Variants in PRKAR1A observed in about 807,000 individuals in gnomAD.
PRKAR1A encodes protein kinase cAMP-dependent type I regulatory subunit alpha.
In PRKAR1A, 3 loss-of-function variants were observed where a neutral mutation model predicts 52.0. The observed-to-expected ratio is 0.06, with a 90% confidence interval of 0.03 to 0.15. The LOEUF (loss-of-function observed/expected upper bound fraction) is 0.15. PRKAR1A is among the 10% of genes least tolerant of loss of function. PRKAR1A has a pLI of 1.00. For synonymous variants in PRKAR1A, 188 were observed against 168.4 expected (o/e 1.12, Z -0.90); for missense variants, 240 against 477.4 (o/e 0.50, Z 4.63).
At chr17:68,526,491 G>A (rs1349919041) in intron 7 of PRKAR1A, among the ~76,000 whole-genome samples, 1 of 152,132 alleles carries the variant, frequency 6.6e-6, no homozygotes, top group Non-Finnish European at 1.5e-5. Flanking sequence ...CATTTTTAAT[G>A]GTTTTCTTAA....
At chr17:68,542,036 A>C in intron 11 of PRKAR1A, 1 of 1,614,130 alleles carries the variant, frequency 6.2e-7, no homozygotes, top group South Asian at 1.1e-5. Context: ...GGGCACAGAC[A>C]GCCTGGGGGC....
the PRKAR1A span, chr17:68,444,714 T>C: frequency 2.8e-6 from 2 of 704,214 alleles, no homozygotes; most frequent in African/African-American, 3.6e-5. Flanking sequence ...ATTTTGATGA[T>C]GCATTTTGAA....
At chr17:68,493,311 G>C in the PRKAR1A span, among the ~76,000 whole-genome samples, 1 of 152,154 alleles carries the variant, frequency 6.6e-6, no homozygotes, top group Non-Finnish European at 1.5e-5. Flanking sequence ...GGAAAAGAAA[G>C]CTTTAGAGCA....
the PRKAR1A span, among the ~76,000 whole-genome samples, chr17:68,425,226 T>C: frequency 1.3e-5 from 2 of 152,168 alleles, no homozygotes; most frequent in South Asian, 2.1e-4. Context: ...CTTTTTGAGA[T>C]AGAGTCTCAC....
chr17:68,516,080 G>A (rs1385412921), intron 2 of PRKAR1A, among the ~76,000 whole-genome samples: 1 of 152,050 alleles, frequency 6.6e-6, no homozygotes, highest in Non-Finnish European at 1.5e-5. Flanking sequence ...GAGTATATCT[G>A]ATAAATTACT....
At chr17:68,536,818 C>T (rs1002086090), downstream of PRKAR1A, 2 of 453,918 alleles carry the variant, frequency 4.4e-6, no homozygotes, top group East Asian at 6.9e-5. Context: ...TTGTAATACT[C>T]TTCAAATTGG....
chr17:68,489,862 T>C, the PRKAR1A span, among the ~76,000 whole-genome samples: 2 of 151,696 alleles, frequency 1.3e-5, no homozygotes, highest in Non-Finnish European at 1.5e-5. Flanking sequence ...GGCTGGAGAG[T>C]ATATTTTTGC....
chr17:68,416,269 T>G, the PRKAR1A span, among the ~76,000 whole-genome samples: 1 of 152,194 alleles, frequency 6.6e-6, no homozygotes, highest in Admixed American at 6.5e-5. Context: ...CCTTCTTTCA[T>G]ATATGACGCT....
At chr17:68,515,234 C>A in intron 1 of PRKAR1A, 160 bp from the exon 2 acceptor site, 1 of 702,010 alleles carries the variant, frequency 1.4e-6, no homozygotes, top group African/African-American at 1.8e-5. Flanking sequence ...TAATTCTGTA[C>A]ATATTTTATT....
At chr17:68,450,507 C>G in the PRKAR1A span, among the ~76,000 whole-genome samples, 1 of 152,208 alleles carries the variant, frequency 6.6e-6, no homozygotes, top group South Asian at 2.1e-4. Context: ...CAGGGACCAA[C>G]GTTCTGGAAA....
the PRKAR1A span, chr17:68,420,668 G>A: frequency 1.4e-5 from 9 of 632,042 alleles, no homozygotes; most frequent in African/African-American, 1.7e-4. Context: ...TCTGGGCAGG[G>A]AGTGTGCCTT....
At chr17:68,539,797 G>T in intron 11 of PRKAR1A, 2 of 1,266,108 alleles carry the variant, frequency 1.6e-6, no homozygotes, top group Non-Finnish European at 2.3e-6. Flanking sequence ...GCCCTCATTT[G>T]CAGGGCGTCT....
At chr17:68,457,619 G>T in the PRKAR1A span, 1 of 345,008 alleles carries the variant, frequency 2.9e-6, no homozygotes, top group Non-Finnish European at 4.8e-6. Context: ...GCTTCGCCCC[G>T]CCCCTTCTCG....
the PRKAR1A span, chr17:68,435,611 T>C: frequency 6.2e-7 from 1 of 1,613,448 alleles, no homozygotes; most frequent in Non-Finnish European, 8.5e-7. Flanking sequence ...TTGGTGGGAG[T>C]GGACTCACTT....
chr17:68,536,171 A>G (rs565854816), downstream of PRKAR1A: 7 of 454,132 alleles, frequency 1.5e-5, no homozygotes, highest in African/African-American at 1.4e-4. Flanking sequence ...CTTTGCTCAC[A>G]CTGCAGAAAG....
chr17:68,539,922 C>T (rs762620338), intron 11 of PRKAR1A: 2 of 1,614,198 alleles, frequency 1.2e-6, no homozygotes, highest in Admixed American at 1.7e-5. Flanking sequence ...AACCCATCAT[C>T]CCCGAACTTG....
chr17:68,548,102 A>G (rs1413823334), intron 11 of PRKAR1A, among the ~76,000 whole-genome samples: 2 of 152,176 alleles, frequency 1.3e-5, no homozygotes, highest in Non-Finnish European at 2.9e-5. Flanking sequence ...AGCAGTCAGA[A>G]CACACATTTA....
At chr17:68,539,847 G>C in intron 11 of PRKAR1A, 2 of 1,596,210 alleles carry the variant, frequency 1.3e-6, no homozygotes, top group South Asian at 2.2e-5. Flanking sequence ...CAGCACATCT[G>C]GGAGAGGGGA....
At chr17:68,446,269 C>T in the PRKAR1A span, among the ~76,000 whole-genome samples, 2 of 152,174 alleles carry the variant, frequency 1.3e-5, no homozygotes, top group South Asian at 2.1e-4. Context: ...TAGCCTCAAC[C>T]TCTGGGGCTC....
Sources: gnomAD v4.1 joint callset for allele counts (sites outside exome capture counted in the v4.1 genomes callset) on GRCh38, gnomAD v4.1.1 for gene constraint, MANE v1.5 for transcripts, NCBI Gene and HGNC (gene_info 2026-07-23, HGNC 2026-07-21) for gene names.